TRDN: variants seen among roughly 807,000 people sequenced by gnomAD.
The protein encoded by TRDN is triadin in skeletal muscle.
TRDN carries 161 observed loss-of-function variants against 149.7 expected under a neutral mutation model. The observed-to-expected ratio is 1.08, with a 90% confidence interval of 0.95 to 1.23. The LOEUF (loss-of-function observed/expected upper bound fraction) is 1.23. TRDN is among the 50% of genes most tolerant of loss of function. TRDN has a pLI of 0.00. For synonymous variants in TRDN, 294 were observed against 250.5 expected, an observed-to-expected ratio of 1.17 and a Z score of -1.64; for missense variants, 896 against 823.5, an observed-to-expected ratio of 1.09 and a Z score of -1.08.
At chr6:123,357,089 A>C (rs1454233732) in intron 20 of TRDN, among the ~76,000 whole-genome samples, 5 of 151,748 alleles carry the variant, frequency 3.3e-5, no homozygotes, top group Non-Finnish European at 4.4e-5. Flanking sequence ...TTTCTGATGA[A>C]TGTTTCTAAA....
chr6:123,360,833 A>G (rs1377599272), intron 20 of TRDN, among the ~76,000 whole-genome samples: 1 of 152,192 alleles, frequency 6.6e-6, no homozygotes, highest in Non-Finnish European at 1.5e-5. Context: ...TGCCAGTAAC[A>G]AGAAAGAGGA....
At chr6:123,496,429 A>G (rs1778450047) in intron 9 of TRDN, among the ~76,000 whole-genome samples, 1 of 152,070 alleles carries the variant, frequency 6.6e-6, no homozygotes, top group Non-Finnish European at 1.5e-5. Context: ...TCTTTAAGCA[A>G]TTAGCTTCAT....
chr6:123,579,713 A>G (rs957558579), intron 1 of TRDN, among the ~76,000 whole-genome samples: 1 of 152,100 alleles, frequency 6.6e-6, no homozygotes, highest in African/African-American at 2.4e-5. Context: ...TCCCTACCCA[A>G]ATCTCATCTT....
intron 23 of TRDN, 98 bp downstream of exon 23, chr6:123,331,781 G>C (rs1351001705): frequency 8.0e-6 from 6 of 745,546 alleles, no homozygotes; most frequent in Non-Finnish European, 1.2e-5. Context: ...CTATGGTTTT[G>C]AGAGCCTGAA....
intron 9 of TRDN, among the ~76,000 whole-genome samples, chr6:123,488,367 A>G (rs1315473572): frequency 6.6e-6 from 1 of 152,156 alleles, no homozygotes; most frequent in Non-Finnish European, 1.5e-5. Context: ...TTGCAGCTAG[A>G]TACCATCTGT....
chr6:123,281,643 A>G (rs183690498), intron 24 of TRDN, among the ~76,000 whole-genome samples: 7 of 152,148 alleles, frequency 4.6e-5, no homozygotes, highest in Admixed American at 4.6e-4. Context: ...TTGTGTGAAA[A>G]TATGTGTGTT....
intron 19 of TRDN, among the ~76,000 whole-genome samples, chr6:123,367,607 C>A (rs1401314103): frequency 1.3e-5 from 2 of 152,244 alleles, no homozygotes; most frequent in South Asian, 4.1e-4. Flanking sequence ...CAAGACTGAA[C>A]AGACTCCTGG....
intron 38 of TRDN, among the ~76,000 whole-genome samples, chr6:123,245,170 T>C (rs761954456): frequency 3.9e-5 from 6 of 152,090 alleles, no homozygotes; most frequent in Non-Finnish European, 8.8e-5. Context: ...ATCAACACCA[T>C]GAAGAAACCG....
At position 123,254,775 on chromosome 6, in the gene TRDN, A is replaced by G. The variant is rs569321055; in HGVS notation, c.1951+306T>C. Among the ~76,000 whole-genome samples the G allele has an allele frequency of 6.6e-5, 10 of 152,160 alleles. No homozygotes were observed. In the South Asian group the frequency reaches 1.7e-3, roughly 25 times the overall value. On this transcript the variant is annotated intron_variant, in intron 37 of 40. Coordinates refer to ENST00000334268, the MANE Select transcript of TRDN (RefSeq NM_006073.4). The stretch of plus-strand genomic sequence containing the variant: ...AATCCCAGTAATATTTATTTTTACT[A>G]CCATATTACTTTTGACATTATTCAT...
rs1554263186 is a variant in TRDN at position 123,614,313 on chromosome 6, AAC to A, written c.22+22439_22+22440del. ...TAAAAAAAAAAACAAAAAAAAAAAAAACAAAAAAAACCCTCAAATTGACCATT... is the reference window on the plus strand; with the variant it reads ...TAAAAAAAAAAACAAAAAAAAAAAAAAAAAAAAACCCTCAAATTGACCATT... On this transcript the variant is annotated intron_variant, in intron 1 of 40. Transcript: ENST00000334268. Among the ~76,000 whole-genome samples, 34 of 136,300 alleles carry A rather than the reference AAC, an allele frequency of 2.5e-4. 1 individual carries two copies. The highest frequency in any genetic ancestry group is 3.6e-3 in the Middle Eastern group (1 of 278). The allele number at this position is 136,300 out of a possible 152,430, so 89.4% of individuals were successfully genotyped here. A position where few individuals can be genotyped will look rare whatever the true frequency, so the allele number is the denominator to read the frequency against.
intron 18 of TRDN, among the ~76,000 whole-genome samples, chr6:123,376,082 A>C (rs1177342955): frequency 6.6e-6 from 1 of 152,182 alleles, no homozygotes; most frequent in East Asian, 1.9e-4. Context: ...ACACACTGAA[A>C]AAAATAGATA....
intron 1 of TRDN, among the ~76,000 whole-genome samples, chr6:123,623,958 G>T (rs1335087858): frequency 2.0e-5 from 3 of 151,998 alleles, no homozygotes; most frequent in African/African-American, 7.2e-5. Context: ...CACAATTTTT[G>T]TATATAACTT....
intron 21 of TRDN, among the ~76,000 whole-genome samples, chr6:123,343,341 T>C (rs1179492355): frequency 6.6e-6 from 1 of 151,986 alleles, no homozygotes; most frequent in Non-Finnish European, 1.5e-5. Flanking sequence ...CATTATATTC[T>C]ATATTGTCTT....
At chr6:123,303,187 C>A (rs927264144) in intron 24 of TRDN, among the ~76,000 whole-genome samples, 1 of 152,138 alleles carries the variant, frequency 6.6e-6, no homozygotes, top group African/African-American at 2.4e-5. Flanking sequence ...CCTTCCTCTA[C>A]ATCTTTCTGT....
intron 9 of TRDN, among the ~76,000 whole-genome samples, chr6:123,474,127 C>T (rs764980363): frequency 4.2e-4 from 63 of 150,810 alleles, no homozygotes; most frequent in Non-Finnish European, 8.3e-4. Context: ...ACTAAATGCT[C>T]CAATTAAAAG....
At chr6:123,295,576 G>A (rs1181795277) in intron 24 of TRDN, among the ~76,000 whole-genome samples, 1 of 152,060 alleles carries the variant, frequency 6.6e-6, no homozygotes, top group African/African-American at 2.4e-5. Context: ...ATGAAAAATT[G>A]GTGAGGTGAT....
At chr6:123,444,690 G>A (rs1435794650) in intron 10 of TRDN, among the ~76,000 whole-genome samples, 22 of 152,078 alleles carry the variant, frequency 1.4e-4, no homozygotes, top group Non-Finnish European at 2.2e-4. Context: ...TTTGAAATAC[G>A]GCCCATCAAT....
At chr6:123,385,244 T>C (rs1781862595) in intron 14 of TRDN, among the ~76,000 whole-genome samples, 1 of 151,624 alleles carries the variant, frequency 6.6e-6, no homozygotes, top group Non-Finnish European at 1.5e-5. Flanking sequence ...TGGCTAACAC[T>C]GTGAAACCCC....
intron 19 of TRDN, among the ~76,000 whole-genome samples, chr6:123,367,442 G>A (rs530024311): frequency 2.0e-5 from 3 of 152,058 alleles, no homozygotes; most frequent in Non-Finnish European, 4.4e-5. Context: ...CACAAAACCC[G>A]GCTTTTGAAA....
Sources: allele counts gnomAD v4.1 joint callset (sites outside exome capture counted in the v4.1 genomes callset), GRCh38; gene constraint gnomAD v4.1.1; transcripts MANE v1.5; gene names NCBI Gene and HGNC (gene_info 2026-07-23, HGNC 2026-07-21).